Variants in ZFHX3 observed in about 807,000 individuals in gnomAD.
ZFHX3 encodes the protein zinc finger homeobox protein 3.
ZFHX3 carries 42 observed loss-of-function variants against 279.1 expected under a neutral mutation model. That is an observed-to-expected ratio of 0.15 (90% confidence interval 0.12 to 0.19). The LOEUF (loss-of-function observed/expected upper bound fraction) is 0.19, where lower values mean the gene tolerates loss of function less well. Among genes scored for constraint, ZFHX3 ranks in the 10% least tolerant of loss-of-function variants. The pLI is 1.00. For synonymous variants in ZFHX3, 2,293 were observed against 1,957.8 expected (o/e 1.17, Z -4.52); for missense variants, 4,981 against 4,754.0 (o/e 1.05, Z -1.40).
At chr16:73,680,300 A>T (rs2052997074) in intron 1 of ZFHX3, 1 of 152,244 alleles carries the variant, frequency 6.6e-6, no homozygotes, top group Non-Finnish European at 1.5e-5. Context: ...AATCAAAATG[A>T]TCAAAGGCAA....
chr16:73,345,480 G>A (rs1375507363), intron 3 of ZFHX3, among the ~76,000 whole-genome samples: 1 of 141,414 alleles, frequency 7.1e-6, no homozygotes, highest in Non-Finnish European at 1.5e-5. Flanking sequence ...TTATAAGTTA[G>A]AACATGCAGT....
At chr16:73,244,989 T>C (rs534903515) in intron 5 of ZFHX3, among the ~76,000 whole-genome samples, 2 of 152,278 alleles carry the variant, frequency 1.3e-5, no homozygotes, top group East Asian at 3.9e-4. Flanking sequence ...CCACCTATAT[T>C]AACAGAGCCC....
At chr16:73,673,417 G>A (rs1243075724) in intron 2 of ZFHX3, among the ~76,000 whole-genome samples, 1 of 151,896 alleles carries the variant, frequency 6.6e-6, no homozygotes, top group Non-Finnish European at 1.5e-5. Context: ...CACACACAGA[G>A]AGAAGATAGG....
exon 8 of ZFHX3, chr16:73,093,410 A>G: frequency 2.2e-6 from 1 of 461,188 alleles, no homozygotes; most frequent in South Asian, 1.5e-5. Flanking sequence ...ACCACAGCTG[A>G]TCACTTTGGT....
At chr16:73,622,006 T>G (rs915205512) in intron 2 of ZFHX3, among the ~76,000 whole-genome samples, 2 of 152,204 alleles carry the variant, frequency 1.3e-5, no homozygotes, top group African/African-American at 2.4e-5. Context: ...CTTACATTCT[T>G]GCTTATTATT....
chr16:73,572,094 A>T (rs910170359), intron 2 of ZFHX3, among the ~76,000 whole-genome samples: 8 of 151,956 alleles, frequency 5.3e-5, no homozygotes, highest in African/African-American at 1.9e-4. Context: ...ATTTGAGGAG[A>T]ATAATTCCCT....
intron 5 of ZFHX3, among the ~76,000 whole-genome samples, chr16:73,223,784 G>A (rs1003282606): frequency 1.1e-4 from 16 of 152,114 alleles, no homozygotes; most frequent in African/African-American, 2.7e-4. Flanking sequence ...CATAATTGCC[G>A]AAACTTGAGA....
intron 3 of ZFHX3, among the ~76,000 whole-genome samples, chr16:73,423,461 C>A (rs1041500471): frequency 6.6e-6 from 1 of 152,098 alleles, no homozygotes; most frequent in African/African-American, 2.4e-5. Flanking sequence ...TGAGACCGGG[C>A]AGACTGTGAT....
At chr16:72,812,408 A>G (rs1362049002) in intron 5 of ZFHX3, among the ~76,000 whole-genome samples, 3 of 152,164 alleles carry the variant, frequency 2.0e-5, no homozygotes, top group Non-Finnish European at 4.4e-5. Context: ...AAGTCTCACC[A>G]ATTGCTTTGC....
At position 73,722,260 on chromosome 16, in the gene ZFHX3, G is replaced by A. The variant is rs972547958; in HGVS notation, c.-1607-42020C>T. Among the ~76,000 whole-genome samples the A allele has an allele frequency of 3.9e-5, 6 of 152,266 alleles. No homozygotes were observed. The East Asian group carries it at 9.7e-4, about 25-fold the overall frequency. The stretch of plus-strand genomic sequence containing the variant: ...TTCTGGACAGATTCAAAGAAACCAA[G>A]GAGGGTGATATGGTACTCGATTGGT... On this transcript the variant is annotated intron_variant, in intron 1 of 17. Coordinates refer to the ZFHX3 transcript ENST00000641206.
rs1253240451 is a variant in ZFHX3, at chr16:73,631,925, T to TCACACACACA, written c.-1547+48254_-1547+48255insTGTGTGTGTG. Among the ~76,000 whole-genome samples, 5 of 90,874 alleles carry TCACACACACA rather than the reference T, an allele frequency of 5.5e-5. 1 individual carries two copies. The highest frequency in any genetic ancestry group is 1.7e-4 in the African/African-American group (5 of 29,668). The allele number at this position is 90,874 out of a possible 152,430, so 59.6% of individuals were successfully genotyped here. On this transcript the variant is annotated intron_variant, in intron 2 of 17. Coordinates refer to the ZFHX3 transcript ENST00000641206. Reference sequence around the variant, plus strand: ...CTCTCTCTCTCTCTCTCTCTCTCTCTCTCACACACACACACACACACACAC... The same window carrying TCACACACACA: ...CTCTCTCTCTCTCTCTCTCTCTCTCTCACACACACACTCACACACACACACACACACACAC...
At chr16:72,869,481 T>C (rs2038101924) in intron 4 of ZFHX3, among the ~76,000 whole-genome samples, 1 of 152,196 alleles carries the variant, frequency 6.6e-6, no homozygotes, top group African/African-American at 2.4e-5. Flanking sequence ...CTGTCCAAGG[T>C]AACACATGAT....
intron 1 of ZFHX3, among the ~76,000 whole-genome samples, chr16:73,746,534 A>T (rs1353487755): frequency 1.3e-5 from 2 of 152,186 alleles, no homozygotes; most frequent in African/African-American, 4.8e-5. Context: ...CCCTCTGGGG[A>T]GTCCAGGGGC....
chr16:73,887,345 C>T (rs1040556917), intron 1 of ZFHX3, among the ~76,000 whole-genome samples: 17 of 152,078 alleles, frequency 1.1e-4, no homozygotes, highest in African/African-American at 4.1e-4. Context: ...TCTAAAATGG[C>T]CTGTGCTCCA....
chr16:73,420,244 T>G (rs1420407340), intron 3 of ZFHX3: 1 of 152,200 alleles, frequency 6.6e-6, no homozygotes, highest in Non-Finnish European at 1.5e-5. Flanking sequence ...ATAAATATTT[T>G]TAAATTTTAT....
chr16:73,177,446 A>T (rs1188456798), intron 5 of ZFHX3, among the ~76,000 whole-genome samples: 1 of 152,244 alleles, frequency 6.6e-6, no homozygotes, highest in African/African-American at 2.4e-5. Context: ...ATGGCACCTT[A>T]CATTTAGAGA....
At chr16:73,296,442 C>G (rs1198978237) in intron 4 of ZFHX3, among the ~76,000 whole-genome samples, 2 of 152,106 alleles carry the variant, frequency 1.3e-5, no homozygotes, top group Non-Finnish European at 2.9e-5. Flanking sequence ...GGAAATATAT[C>G]CAAGGACAGT....
chr16:73,106,718 A>G (rs1246900284), intron 7 of ZFHX3, among the ~76,000 whole-genome samples: 2 of 152,228 alleles, frequency 1.3e-5, no homozygotes, highest in Non-Finnish European at 2.9e-5. Flanking sequence ...CCCATCATTC[A>G]TCATGGAAGC....
In ZFHX3 at chr16:72,788,424, G is replaced by C. The variant is rs1419484872; in HGVS notation, c.9852C>G (p.Asp3284Glu). The change falls in exon 10 of 10, where the codon GAC (aspartate) becomes GAG (glutamate). Residue 3284 changes from aspartate to glutamate, a missense_variant. Coordinates refer to ENST00000268489, the MANE Select transcript of ZFHX3 (RefSeq NM_006885.4). ...APLPTMEYAV[D>E]PAQLQALQAA... ...CCTGCAGGGCCTGCAGCTGTGCAGGGTCTACCGCATACTCCATGGTGGGCA... is the reference window on the plus strand; with the variant it reads ...CCTGCAGGGCCTGCAGCTGTGCAGGCTCTACCGCATACTCCATGGTGGGCA... 1.9e-6 allele frequency: 3 copies of C among 1,614,248 alleles called. No homozygotes were observed. The highest frequency in any genetic ancestry group is 2.2e-5 in the East Asian group (1 of 44,888).
Sources: allele counts gnomAD v4.1 joint callset (sites outside exome capture counted in the v4.1 genomes callset), GRCh38; gene constraint gnomAD v4.1.1; transcripts MANE v1.5; gene names NCBI Gene and HGNC (gene_info 2026-07-23, HGNC 2026-07-21).